Variants in VAPA observed in about 807,000 individuals in gnomAD.
The protein encoded by VAPA is VAMP associated protein A.
Under a neutral mutation model 25.6 loss-of-function variants are expected in VAPA, and 6 were observed. That is an observed-to-expected ratio of 0.23 (90% CI 0.13 to 0.46). The LOEUF is 0.46. Ranked by LOEUF, VAPA falls within the 20% of genes least tolerant of loss-of-function variation. The probability of loss-of-function intolerance (pLI) is 0.99; values close to 1 mark genes in which losing one functional copy is unlikely to be tolerated. For missense variants in VAPA, 244 were observed against 302.1 expected (o/e 0.81, Z 1.43); for synonymous variants, 112 against 106.2 (o/e 1.05, Z -0.34).
At chr18:9,921,260 A>G (rs993761774) in intron 1 of VAPA, among the ~76,000 whole-genome samples, 2 of 152,232 alleles carry the variant, frequency 1.3e-5, no homozygotes, top group Non-Finnish European at 2.9e-5. Context: ...TACTTCCAGA[A>G]AAGGGGTGGT....
At chr18:9,930,954 C>T (rs893134250) in intron 1 of VAPA, among the ~76,000 whole-genome samples, 2 of 152,008 alleles carry the variant, frequency 1.3e-5, no homozygotes, top group Non-Finnish European at 2.9e-5. Context: ...CATGCTTATT[C>T]TTAAGATTGA....
rs1165321090 is a variant in VAPA at position 9,959,065 on chromosome 18, C to T, written c.*4854C>T. ...CATTGATAACTTGTGAAATACTTAT[C>T]TCCATCCTATGGAATAGGGGAGACG... On this transcript the variant is annotated 3_prime_UTR_variant, in exon 6 of 6. Transcript: ENST00000400000. The T allele has an allele frequency of 6.6e-6, 1 of 152,136 alleles. No individual in the cohort carries two copies. The highest frequency in any genetic ancestry group is 2.4e-5 in the African/African-American group (1 of 41,444). 9.4% of individuals were successfully genotyped at this position (152,136 alleles called of 1,614,324 possible).
At position 9,958,141 on chromosome 18, in the gene VAPA, T is replaced by A. The variant is rs2069569423; in HGVS notation, c.*3930T>A. 1 of 152,226 alleles carries A rather than the reference T, an allele frequency of 6.6e-6. No homozygotes were observed. Among genetic ancestry groups the A allele is most frequent in the African/African-American group, 2.4e-5 (1 of 41,456 alleles). The allele number at this position is 152,226 out of a possible 1,614,324, so 9.4% of individuals were successfully genotyped here. A position where few individuals can be genotyped will look rare whatever the true frequency, so the allele number is the denominator to read the frequency against. On this transcript the variant is annotated 3_prime_UTR_variant, in exon 6 of 6. Coordinates refer to ENST00000400000, the MANE Select transcript of VAPA (RefSeq NM_194434.3). ...ACATTTCATTCATTTCCCTGTAATATTAATGTTCTTTAAGCATAATCACTA... is the reference window on the plus strand; with the variant it reads ...ACATTTCATTCATTTCCCTGTAATAATAATGTTCTTTAAGCATAATCACTA...
At chr18:9,944,029 T>C (rs1197222475) in intron 4 of VAPA, among the ~76,000 whole-genome samples, 2 of 151,682 alleles carry the variant, frequency 1.3e-5, no homozygotes, top group African/African-American at 4.8e-5. Context: ...GCCTGGCTAA[T>C]TTTTTGTATT....
In VAPA at chr18:9,936,208, G is replaced by A. The variant is rs776329993; in HGVS notation, c.331G>A (p.Ala111Thr). ...TCCACCAAACACTTCAGATATGGAA[G>A]CTGTGGTAAGTATAGAAGAAGAATT... ...FAPPNTSDME[A>T]VWKEAKPDEL... Residue 111 changes from alanine (A) to threonine (T), a missense_variant, in exon 3 of 6, where the codon GCT becomes ACT. Physicochemically the swap from Ala to Thr is moderately conservative, Grantham distance 58 (BLOSUM62 0). Coordinates refer to ENST00000400000, the MANE Select transcript of VAPA (RefSeq NM_194434.3). The A allele has an allele frequency of 6.3e-7, 1 of 1,595,570 alleles. No individual in the cohort carries two copies. The highest frequency in any genetic ancestry group is 8.5e-7 in the Non-Finnish European group (1 of 1,169,638).
rs887448566 is a variant in VAPA at position 9,958,389 on chromosome 18, T to G, written c.*4178T>G. Reference sequence around the variant, plus strand: ...ATTTCTTGTTTTAAAACTCAGTTTCTTGTTTTCCAGTTGTTGCTATGTATA... The same window carrying G: ...ATTTCTTGTTTTAAAACTCAGTTTCGTGTTTTCCAGTTGTTGCTATGTATA... On this transcript the variant is annotated 3_prime_UTR_variant, in exon 6 of 6. Coordinates refer to ENST00000400000, the MANE Select transcript of VAPA (RefSeq NM_194434.3). 2 of 152,260 alleles carry G rather than the reference T, an allele frequency of 1.3e-5. No individual in the cohort carries two copies. The highest frequency in any genetic ancestry group is 4.8e-5 in the African/African-American group (2 of 41,468). 9.4% of individuals were successfully genotyped at this position (152,260 alleles called of 1,614,324 possible).
intron 5 of VAPA, chr18:9,951,216 G>GT: frequency 6.6e-6 from 1 of 152,400 alleles, no homozygotes; most frequent in East Asian, 1.9e-4. Context: ...AGAAGCATCT[G>GT]TTTATCACCC....
chr18:9,936,774 C>T (rs1197441693), intron 3 of VAPA: 3 of 460,272 alleles, frequency 6.5e-6, no homozygotes, highest in Non-Finnish European at 1.2e-5. Context: ...GTAATATCAT[C>T]GTGATTTTAA....
At chr18:9,923,142 G>T (rs1366878837) in intron 1 of VAPA, among the ~76,000 whole-genome samples, 2 of 152,110 alleles carry the variant, frequency 1.3e-5, no homozygotes, top group Non-Finnish European at 2.9e-5. Flanking sequence ...ATGCTTAGCT[G>T]CTTTTCTCTG....
chr18:9,914,530 T>G, intron 1 of VAPA, 195 bp downstream of exon 1: 8 of 309,484 alleles, frequency 2.6e-5, no homozygotes, highest in Non-Finnish European at 4.1e-5. Context: ...GCCCGCTTCA[T>G]CCCCTCCCGC....
rs1287508546 is a variant in VAPA at position 9,937,987 on chromosome 18, T to C, written c.417+921T>C. ...TTATATTTTGAATTTTTAAAATGCCTCTTTTAAGTGATTTTTGAGGTATTT... is the reference window on the plus strand; with the variant it reads ...TTATATTTTGAATTTTTAAAATGCCCCTTTTAAGTGATTTTTGAGGTATTT... On this transcript the variant is annotated intron_variant, in intron 4 of 5. Transcript: ENST00000400000. Among the ~76,000 whole-genome samples, 3 of 152,216 alleles carry C rather than the reference T, an allele frequency of 2.0e-5. No homozygotes were observed. In the East Asian group the frequency reaches 5.8e-4, roughly 29 times the overall value.
chr18:9,937,833 C>G (rs1345109099), intron 4 of VAPA, among the ~76,000 whole-genome samples: 4 of 152,048 alleles, frequency 2.6e-5, no homozygotes, highest in Non-Finnish European at 5.9e-5. Context: ...TGACTACTGC[C>G]TTAATCTAGT....
chr18:9,935,089 C>A (rs1423068750), intron 2 of VAPA, among the ~76,000 whole-genome samples: 2 of 122,498 alleles, frequency 1.6e-5, no homozygotes, highest in Admixed American at 9.1e-5. Flanking sequence ...AGCAAGACTC[C>A]GTCTCAAAAA....
intron 1 of VAPA, among the ~76,000 whole-genome samples, chr18:9,927,530 G>A (rs1483850764): frequency 6.6e-6 from 1 of 151,188 alleles, no homozygotes; most frequent in Non-Finnish European, 1.5e-5. Flanking sequence ...TTTAAGACTG[G>A]GTGGTTTGGA....
chr18:9,945,018 A>C (rs2069407301), intron 4 of VAPA: 2 of 1,614,028 alleles, frequency 1.2e-6, no homozygotes, highest in Non-Finnish European at 1.7e-6. Context: ...ACGAAGGATG[A>C]CCCCAGGGGA....
intron 4 of VAPA, chr18:9,948,649 A>T (rs947248796): frequency 5.9e-5 from 9 of 152,132 alleles, no homozygotes; most frequent in African/African-American, 1.9e-4. Context: ...TCTCATTGCA[A>T]CCTCCGCTTC....
intron 5 of VAPA, among the ~76,000 whole-genome samples, chr18:9,952,576 A>AAC (rs1555617913): frequency 7.0e-4 from 107 of 151,922 alleles, no homozygotes; most frequent in African/African-American, 2.5e-3. Context: ...AAAAAAAAAA[A>AAC]AAAACAAAAC....
chr18:9,939,972 A>G (rs575219433), intron 4 of VAPA, among the ~76,000 whole-genome samples: 250 of 152,354 alleles, frequency 1.6e-3, no homozygotes, highest in Non-Finnish European at 3.3e-3. Context: ...TACACTACTT[A>G]CAATACTTGT....
chr18:9,930,341 G>A (rs970083401), intron 1 of VAPA, among the ~76,000 whole-genome samples: 1 of 151,980 alleles, frequency 6.6e-6, no homozygotes, highest in African/African-American at 2.4e-5. Flanking sequence ...TAAAGTCCTA[G>A]TCAAAATAGT....
Sources: allele counts gnomAD v4.1 joint callset (sites outside exome capture counted in the v4.1 genomes callset), GRCh38; gene constraint gnomAD v4.1.1; transcripts MANE v1.5; gene names NCBI Gene and HGNC (gene_info 2026-07-23, HGNC 2026-07-21).